Variants in RBFOX1 observed in about 807,000 individuals in gnomAD.
RBFOX1 encodes RNA binding protein fox-1 homolog 1.
RBFOX1 carries 8 observed loss-of-function variants against 57.7 expected under a neutral mutation model. That is an observed-to-expected ratio of 0.14 (90% CI 0.08 to 0.25). The LOEUF (loss-of-function observed/expected upper bound fraction) is 0.25, where lower values mean the gene tolerates loss of function less well. Among genes scored for constraint, RBFOX1 ranks in the 10% least tolerant of loss-of-function variants. RBFOX1 has a pLI of 1.00. For missense variants in RBFOX1, 611 were observed against 548.5 expected (o/e 1.11, Z -1.14); for synonymous variants, 326 against 222.4 (o/e 1.47, Z -4.15).
chr16:6,136,800 C>G (rs767216532), intron 1 of RBFOX1, among the ~76,000 whole-genome samples: 6 of 152,080 alleles, frequency 3.9e-5, no homozygotes, highest in Non-Finnish European at 8.8e-5. Context: ...AAGTACTGTT[C>G]CTTTTAATCA....
intron 4 of RBFOX1, among the ~76,000 whole-genome samples, chr16:7,215,748 G>A (rs997072015): frequency 1.5e-5 from 2 of 133,290 alleles, no homozygotes; most frequent in Non-Finnish European, 3.1e-5. Flanking sequence ...TTTTTGAGAC[G>A]GAGTCTTGCT....
rs190226348 is a variant in RBFOX1 at position 7,456,126 on chromosome 16, C to T, written c.28-62021C>T. 1.2e-3 allele frequency among the ~76,000 whole-genome samples: 182 copies of T among 152,306 alleles called. 1 individual carries two copies. Among genetic ancestry groups the T allele is most frequent in the African/African-American group, 4.0e-3 (168 of 41,570 alleles). ...AGCGTTCCTACATTGCCCTTTTGCA[C>T]TGCCCCCAGAAATTATGTGGCCAAT... On this transcript the variant is annotated intron_variant, in intron 4 of 15. Coordinates refer to ENST00000550418, the MANE Select transcript of RBFOX1 (RefSeq NM_018723.4).
intron 7 of RBFOX1, among the ~76,000 whole-genome samples, chr16:7,590,377 T>A (rs919765342): frequency 2.0e-5 from 3 of 151,996 alleles, no homozygotes; most frequent in Non-Finnish European, 4.4e-5. Context: ...TATGGGTGAA[T>A]AGCAAGAATG....
chr16:6,397,150 T>A (rs1012846739), intron 2 of RBFOX1, among the ~76,000 whole-genome samples: 1 of 152,154 alleles, frequency 6.6e-6, no homozygotes, highest in Non-Finnish European at 1.5e-5. Flanking sequence ...TGAAATTTCT[T>A]CAAATTTGGT....
chr16:7,024,535 G>C (rs563008092), intron 3 of RBFOX1, among the ~76,000 whole-genome samples: 1 of 152,138 alleles, frequency 6.6e-6, no homozygotes, highest in Non-Finnish European at 1.5e-5. Context: ...CTTTGTAGAT[G>C]TTAGGAGATA....
intron 2 of RBFOX1, among the ~76,000 whole-genome samples, chr16:5,519,644 G>A (rs1001140535): frequency 2.6e-5 from 4 of 152,142 alleles, no homozygotes; most frequent in Admixed American, 1.3e-4. Context: ...AAGATTGCTT[G>A]AGCCCAGGAG....
At chr16:5,780,658 C>T (rs866938477) in intron 3 of RBFOX1, among the ~76,000 whole-genome samples, 1 of 152,152 alleles carries the variant, frequency 6.6e-6, no homozygotes, top group East Asian at 1.9e-4. Flanking sequence ...TGCCTCCTCT[C>T]CTGCTTTGTA....
chr16:7,486,210 A>G (rs1012618622), intron 4 of RBFOX1, among the ~76,000 whole-genome samples: 37 of 133,176 alleles, frequency 2.8e-4, no homozygotes, highest in African/African-American at 1.0e-3. Context: ...GCAACCTCTG[A>G]CTCCCGGGTT....
intron 4 of RBFOX1, among the ~76,000 whole-genome samples, chr16:7,371,342 A>G (rs895390527): frequency 6.6e-6 from 1 of 152,206 alleles, no homozygotes; most frequent in Non-Finnish European, 1.5e-5. Flanking sequence ...AATTCAAATG[A>G]TGCTAGTAAC....
intron 2 of RBFOX1, among the ~76,000 whole-genome samples, chr16:6,508,597 A>G (rs2096173782): frequency 6.6e-6 from 1 of 152,132 alleles, no homozygotes; most frequent in Non-Finnish European, 1.5e-5. Context: ...TGCTTCCCTC[A>G]AAGACGTTTC....
Position 6,696,346 on chromosome 16 carries a change from A to G in RBFOX1, c.-16+41696A>G, listed in dbSNP as rs17140946. The stretch of plus-strand genomic sequence containing the variant: ...GTTTTCTTTGGAAAAAAAAATTTAG[A>G]CTAGCACTTTCTTTATAATATGCAG... On this transcript the variant is annotated intron_variant, in intron 3 of 15. Coordinates refer to ENST00000550418, the MANE Select transcript of RBFOX1 (RefSeq NM_018723.4). Among the ~76,000 whole-genome samples the G allele has an allele frequency of 8.1e-3, 1,227 of 152,264 alleles. 20 individuals are homozygous for G. The highest frequency in any genetic ancestry group is 0.028 in the African/African-American group (1,151 of 41,560).
intron 2 of RBFOX1, among the ~76,000 whole-genome samples, chr16:5,579,502 C>T (rs1042052631): frequency 2.0e-5 from 3 of 152,142 alleles, no homozygotes; most frequent in Non-Finnish European, 4.4e-5. Flanking sequence ...GACCTTGCTT[C>T]AACCCTCCTG....
At chr16:6,852,770 T>C (rs2094138472) in intron 3 of RBFOX1, among the ~76,000 whole-genome samples, 2 of 151,946 alleles carry the variant, frequency 1.3e-5, no homozygotes. Context: ...GAACTAGCTG[T>C]CTGGGAGAGG....
intron 10 of RBFOX1, among the ~76,000 whole-genome samples, chr16:7,616,624 C>T (rs766260670): frequency 5.3e-5 from 8 of 152,100 alleles, no homozygotes; most frequent in South Asian, 2.1e-4. Context: ...AGTGCAGGGG[C>T]GTTATCTTGT....
At chr16:7,571,446 C>T (rs918127610) in intron 5 of RBFOX1, among the ~76,000 whole-genome samples, 5 of 152,164 alleles carry the variant, frequency 3.3e-5, no homozygotes, top group Non-Finnish European at 1.5e-5. Context: ...TCGGGTTGCT[C>T]AGAGCTATTC....
At chr16:7,084,353 AATG>A (rs1350289494) in intron 4 of RBFOX1, among the ~76,000 whole-genome samples, 1 of 152,188 alleles carries the variant, frequency 6.6e-6, no homozygotes, top group East Asian at 1.9e-4. Flanking sequence ...GAAAGAAAAA[AATG>A]TGGATAGAAA....
chr16:6,162,477 G>A (rs902823792), intron 1 of RBFOX1, among the ~76,000 whole-genome samples: 1 of 152,088 alleles, frequency 6.6e-6, no homozygotes, highest in African/African-American at 2.4e-5. Context: ...TAAGTGGGTG[G>A]TGCATCTATA....
At chr16:6,744,016 A>G (rs988763395) in intron 3 of RBFOX1, among the ~76,000 whole-genome samples, 3 of 151,998 alleles carry the variant, frequency 2.0e-5, no homozygotes, top group African/African-American at 7.3e-5. Flanking sequence ...GTTTAAATAA[A>G]GTGTATTTCT....
At chr16:7,105,789 G>GAC (rs2063482606) in intron 4 of RBFOX1, among the ~76,000 whole-genome samples, 1 of 109,874 alleles carries the variant, frequency 9.1e-6, no homozygotes, top group African/African-American at 3.9e-5. Flanking sequence ...TGTATATAGA[G>GAC]ATAGATAGAT....
Sources: gnomAD v4.1 joint callset for allele counts (sites outside exome capture counted in the v4.1 genomes callset) on GRCh38, gnomAD v4.1.1 for gene constraint, MANE v1.5 for transcripts, NCBI Gene and HGNC (gene_info 2026-07-23, HGNC 2026-07-21) for gene names.